Variants in CADM1 observed in about 807,000 individuals in gnomAD.
The protein encoded by CADM1 is TSLC-1.
Under a neutral mutation model 53.1 loss-of-function variants are expected in CADM1, and 15 were observed. The ratio of observed to expected loss-of-function variants is 0.28; its 90% CI spans 0.19 to 0.44. The LOEUF (loss-of-function observed/expected upper bound fraction) is 0.44, where lower values mean the gene tolerates loss of function less well. Among genes scored for constraint, CADM1 ranks in the 20% least tolerant of loss-of-function variants. CADM1 has a pLI of 1.00. For synonymous variants in CADM1, 281 were observed against 243.0 expected (o/e 1.16, Z -1.45); for missense variants, 434 against 611.3 (o/e 0.71, Z 3.06).
At chr11:115,441,841 GCTATAC>G (rs1403764988) in intron 1 of CADM1, among the ~76,000 whole-genome samples, 2 of 151,870 alleles carry the variant, frequency 1.3e-5, no homozygotes. Context: ...CATCCTAACA[GCTATAC>G]CTATAGGAAA....
At chr11:115,270,988 T>C (rs1943281337) in intron 1 of CADM1, among the ~76,000 whole-genome samples, 1 of 152,220 alleles carries the variant, frequency 6.6e-6, no homozygotes, top group African/African-American at 2.4e-5. Flanking sequence ...TGTGTTTGTG[T>C]ACAGTGTCAA....
At chr11:115,382,714 T>C (rs1946608955) in intron 1 of CADM1, among the ~76,000 whole-genome samples, 4 of 152,128 alleles carry the variant, frequency 2.6e-5, no homozygotes, top group Admixed American at 2.0e-4. Flanking sequence ...AAAACAAAGG[T>C]TTCTGCTGGT....
chr11:115,249,808 G>T lies in CADM1; in HGVS notation c.125-9388C>A, dbSNP rs142089157. On this transcript the variant is annotated intron_variant, in intron 1 of 11. Coordinates refer to ENST00000331581, the MANE Select transcript of CADM1 (RefSeq NM_001301043.2). ...TTTAGGATTTCAAAGCTATGGGGATGGGTGACCCTACTGTGGTCTCTTCTA... is the reference window on the plus strand; with the variant it reads ...TTTAGGATTTCAAAGCTATGGGGATTGGTGACCCTACTGTGGTCTCTTCTA... 4.1e-3 allele frequency among the ~76,000 whole-genome samples: 625 copies of T among 152,282 alleles called. 9 individuals carry two copies. Among genetic ancestry groups the T allele is most frequent in the African/African-American group, 0.014 (589 of 41,552 alleles).
chr11:115,396,619 A>G (rs537803168), intron 1 of CADM1: 1 of 152,298 alleles, frequency 6.6e-6, no homozygotes, highest in Admixed American at 6.5e-5. Flanking sequence ...ATTTCATCCT[A>G]AATTTTCCAC....
chr11:115,253,530 T>A (rs1427137791), intron 1 of CADM1, among the ~76,000 whole-genome samples: 1 of 152,228 alleles, frequency 6.6e-6, no homozygotes, highest in Non-Finnish European at 1.5e-5. Context: ...TAATATTTTG[T>A]TTAGTTTGAT....
chr11:115,465,046 T>C (rs1473019893), intron 1 of CADM1, among the ~76,000 whole-genome samples: 1 of 152,198 alleles, frequency 6.6e-6, no homozygotes, highest in African/African-American at 2.4e-5. Flanking sequence ...TATCTGGGCA[T>C]CTAGGCAAAT....
intron 1 of CADM1, among the ~76,000 whole-genome samples, chr11:115,455,833 T>A (rs1215763323): frequency 2.0e-5 from 3 of 152,204 alleles, no homozygotes; most frequent in African/African-American, 7.2e-5. Context: ...TATTCAAAGA[T>A]CAAGTTGACA....
intron 8 of CADM1, among the ~76,000 whole-genome samples, chr11:115,202,973 T>C (rs529377635): frequency 2.0e-5 from 3 of 152,252 alleles, no homozygotes; most frequent in Non-Finnish European, 4.4e-5. Flanking sequence ...TTTCCATCTA[T>C]GTTATGTTTT....
chr11:115,305,220 A>C (rs1335835398), intron 1 of CADM1, among the ~76,000 whole-genome samples: 1 of 151,920 alleles, frequency 6.6e-6, no homozygotes, highest in East Asian at 1.9e-4. Context: ...AAAAAATTAG[A>C]TTCTAGCCTC....
intron 1 of CADM1, among the ~76,000 whole-genome samples, chr11:115,482,092 C>T (rs1949269910): frequency 6.6e-6 from 1 of 152,186 alleles, no homozygotes; most frequent in Non-Finnish European, 1.5e-5. Context: ...CCAGAATCCC[C>T]CATGCTTTTG....
chr11:115,181,050 G>A (rs1322215939), intron 10 of CADM1, among the ~76,000 whole-genome samples: 5 of 151,668 alleles, frequency 3.3e-5, no homozygotes, highest in African/African-American at 4.8e-5. Context: ...GAGAAGCTTC[G>A]AGAAGCTGTC....
intron 1 of CADM1, among the ~76,000 whole-genome samples, chr11:115,379,920 A>C (rs1946532160): frequency 6.6e-6 from 1 of 152,176 alleles, no homozygotes; most frequent in African/African-American, 2.4e-5. Context: ...GGTAATAGTA[A>C]AACTGCAGGC....
At chr11:115,433,115 G>A (rs1948097130) in intron 1 of CADM1, among the ~76,000 whole-genome samples, 1 of 152,126 alleles carries the variant, frequency 6.6e-6, no homozygotes, top group Non-Finnish European at 1.5e-5. Context: ...GGTGGGGGAA[G>A]ACACAGACCA....
At chr11:115,476,208 A>G (rs1446361572) in intron 1 of CADM1, among the ~76,000 whole-genome samples, 2 of 152,224 alleles carry the variant, frequency 1.3e-5, no homozygotes, top group African/African-American at 4.8e-5. Context: ...AGCCATATAT[A>G]GTATCTGTAC....
intron 1 of CADM1, among the ~76,000 whole-genome samples, chr11:115,448,519 T>C (rs1183318970): frequency 1.3e-5 from 2 of 152,152 alleles, no homozygotes; most frequent in East Asian, 1.9e-4. Context: ...AAGAATCAAA[T>C]TGATTAATAT....
At chr11:115,374,120 G>C (rs1197027031) in intron 1 of CADM1, among the ~76,000 whole-genome samples, 1 of 152,260 alleles carries the variant, frequency 6.6e-6, no homozygotes, top group Non-Finnish European at 1.5e-5. Context: ...AGAAATAGCT[G>C]ATTCCAGGTT....
intron 1 of CADM1, among the ~76,000 whole-genome samples, chr11:115,372,099 T>C (rs1220524256): frequency 6.6e-6 from 1 of 152,208 alleles, no homozygotes; most frequent in Non-Finnish European, 1.5e-5. Context: ...GTATAATTCA[T>C]TGTTACAGAT....
At chr11:115,269,972 C>A (rs1328852140) in intron 1 of CADM1, among the ~76,000 whole-genome samples, 1 of 152,166 alleles carries the variant, frequency 6.6e-6, no homozygotes. Context: ...ATTTTTCCTG[C>A]TGGAAATTAT....
intron 1 of CADM1, among the ~76,000 whole-genome samples, chr11:115,267,725 C>A (rs1943184377): frequency 7.9e-6 from 1 of 126,430 alleles, no homozygotes; most frequent in Admixed American, 9.2e-5. Flanking sequence ...CGGCAAAAGT[C>A]TCTTTACTGA....
Sources: allele counts gnomAD v4.1 joint callset (sites outside exome capture counted in the v4.1 genomes callset), GRCh38; gene constraint gnomAD v4.1.1; transcripts MANE v1.5; gene names NCBI Gene and HGNC (gene_info 2026-07-23, HGNC 2026-07-21).